FHIT: variants seen among roughly 807,000 people sequenced by gnomAD.
The protein encoded by FHIT is fragile histidine triad diadenosine triphosphatase, also known as bis(5'-adenosyl)-triphosphatase.
Under a neutral mutation model 17.9 loss-of-function variants are expected in FHIT, and 19 were observed. The observed-to-expected ratio is 1.06, with a 90% CI of 0.74 to 1.56. FHIT has a LOEUF of 1.56. Ranked by LOEUF, FHIT falls within the 40% of genes most tolerant of loss-of-function variation. FHIT has a pLI of 0.00. For missense variants in FHIT, 248 were observed against 189.2 expected (o/e 1.31, Z -1.82); for synonymous variants, 81 against 69.7 (o/e 1.16, Z -0.81).
chr3:59,980,662 C>A (rs1708613388), intron 7 of FHIT, among the ~76,000 whole-genome samples: 1 of 152,158 alleles, frequency 6.6e-6, no homozygotes, highest in Non-Finnish European at 1.5e-5. Context: ...CACAAGGAGG[C>A]AAGGGGCCGT....
chr3:60,933,722 T>C (rs41467656), intron 3 of FHIT, among the ~76,000 whole-genome samples: 3,704 of 152,348 alleles, frequency 0.024, 154 homozygotes, highest in African/African-American at 0.084. Flanking sequence ...CTTCTGTCTC[T>C]GGAACACTTT....
intron 4 of FHIT, among the ~76,000 whole-genome samples, chr3:60,637,795 T>C (rs1166128990): frequency 6.6e-6 from 1 of 152,214 alleles, no homozygotes; most frequent in African/African-American, 2.4e-5. Context: ...GAGATAAGGA[T>C]AAGGTTGTAC....
At chr3:60,558,197 G>C (rs2036809801) in intron 4 of FHIT, among the ~76,000 whole-genome samples, 1 of 151,948 alleles carries the variant, frequency 6.6e-6, no homozygotes, top group Admixed American at 6.6e-5. Flanking sequence ...GTGTGTGCTA[G>C]ACCCTGCCCT....
At chr3:60,141,143 G>T (rs1559670899) in intron 5 of FHIT, among the ~76,000 whole-genome samples, 1 of 152,076 alleles carries the variant, frequency 6.6e-6, no homozygotes, top group Non-Finnish European at 1.5e-5. Context: ...TTCGAGGGGG[G>T]ATAACTGGAA....
At chr3:59,812,323 C>G (rs954589774) in intron 8 of FHIT, among the ~76,000 whole-genome samples, 1 of 152,186 alleles carries the variant, frequency 6.6e-6, no homozygotes. Flanking sequence ...TGACTCTGGA[C>G]TGATCTTGGC....
intron 4 of FHIT, among the ~76,000 whole-genome samples, chr3:60,718,250 T>C (rs1467875976): frequency 6.6e-6 from 1 of 152,212 alleles, no homozygotes; most frequent in East Asian, 1.9e-4. Context: ...TTAAAAACCA[T>C]TCGAAGTTTC....
intron 1 of FHIT, among the ~76,000 whole-genome samples, chr3:61,244,628 C>G (rs1001008383): frequency 2.8e-4 from 43 of 152,258 alleles, no homozygotes; most frequent in Admixed American, 2.3e-3. Context: ...TGGCCTTCTC[C>G]TGAAGCAGGT....
chr3:59,914,352 G>A (rs1705030376), intron 8 of FHIT, among the ~76,000 whole-genome samples: 1 of 152,010 alleles, frequency 6.6e-6, no homozygotes, highest in African/African-American at 2.4e-5. Context: ...AACCACATTT[G>A]AACACTCAAG....
At chr3:60,506,425 A>G (rs1380331458) in intron 5 of FHIT, among the ~76,000 whole-genome samples, 1 of 152,238 alleles carries the variant, frequency 6.6e-6, no homozygotes, top group African/African-American at 2.4e-5. Context: ...CCACGGTTTT[A>G]GAGTCAGTAC....
intron 8 of FHIT, among the ~76,000 whole-genome samples, chr3:59,855,978 T>A (rs2106817332): frequency 6.6e-6 from 1 of 152,070 alleles, no homozygotes; most frequent in African/African-American, 2.4e-5. Context: ...AGACGTGGTT[T>A]CACTGTGTTA....
At chr3:60,164,932 C>T (rs1007754767) in intron 5 of FHIT, among the ~76,000 whole-genome samples, 7 of 152,154 alleles carry the variant, frequency 4.6e-5, no homozygotes, top group Non-Finnish European at 4.4e-5. Flanking sequence ...GGACAGATAA[C>T]CCAGTTAGAA....
At chr3:60,338,328 T>A (rs1487106323) in intron 5 of FHIT, among the ~76,000 whole-genome samples, 2 of 152,170 alleles carry the variant, frequency 1.3e-5, no homozygotes, top group Non-Finnish European at 2.9e-5. Flanking sequence ...AAAACTCTAT[T>A]CCTGTAAATC....
chr3:59,959,233 T>G (rs189209111), intron 7 of FHIT, among the ~76,000 whole-genome samples: 2 of 152,292 alleles, frequency 1.3e-5, no homozygotes, highest in Non-Finnish European at 1.5e-5. Context: ...AAATTTCCTC[T>G]CCAGTTCTTT....
chr3:59,976,029 C>G (rs142544298), intron 7 of FHIT, among the ~76,000 whole-genome samples: 1 of 152,184 alleles, frequency 6.6e-6, no homozygotes, highest in African/African-American at 2.4e-5. Flanking sequence ...AGACACAACT[C>G]AATCACTTAT....
At chr3:60,244,818 G>A (rs1318363765) in intron 5 of FHIT, among the ~76,000 whole-genome samples, 1 of 152,018 alleles carries the variant, frequency 6.6e-6, no homozygotes, top group Non-Finnish European at 1.5e-5. Context: ...GATCAGCGTG[G>A]CTTTTAATTT....
At chr3:60,014,636 C>T (rs1016430255) in intron 5 of FHIT, among the ~76,000 whole-genome samples, 2 of 152,142 alleles carry the variant, frequency 1.3e-5, no homozygotes, top group Non-Finnish European at 2.9e-5. Context: ...AATGAACATA[C>T]AAAAGTAGAT....
rs562017857 is a variant in FHIT at position 60,005,305 on chromosome 3, C to T, written c.279+6066G>A. Among the ~76,000 whole-genome samples the T allele has an allele frequency of 3.6e-4, 29 of 80,466 alleles. 1 individual carries two copies. The highest frequency in any genetic ancestry group is 2.8e-3 in the South Asian group (6 of 2,126). The allele number at this position is 80,466 out of a possible 152,430, so 52.8% of individuals were successfully genotyped here. Reference sequence around the variant, plus strand: ...CAAATCAAAGTTAACAAACTAGAAACGGAAAAACTCAATGATTTGTATCTA... The same window carrying T: ...CAAATCAAAGTTAACAAACTAGAAATGGAAAAACTCAATGATTTGTATCTA... On this transcript the variant is annotated intron_variant, in intron 7 of 9. Transcript: ENST00000492590.
intron 5 of FHIT, among the ~76,000 whole-genome samples, chr3:60,074,050 T>G (rs1196007598): frequency 1.3e-5 from 2 of 152,120 alleles, no homozygotes; most frequent in African/African-American, 4.8e-5. Context: ...AAATGTCATG[T>G]GCATTCCTGT....
At chr3:59,776,577 A>G (rs186154084) in intron 8 of FHIT, among the ~76,000 whole-genome samples, 2 of 152,292 alleles carry the variant, frequency 1.3e-5, no homozygotes, top group East Asian at 3.9e-4. Context: ...CGGGGTTTGA[A>G]AAAAGAACCA....
Sources: gnomAD v4.1 joint callset for allele counts (sites outside exome capture counted in the v4.1 genomes callset) on GRCh38, gnomAD v4.1.1 for gene constraint, MANE v1.5 for transcripts, NCBI Gene and HGNC (gene_info 2026-07-23, HGNC 2026-07-21) for gene names.